Variants in CNTN4 observed in about 807,000 individuals in gnomAD.
CNTN4 encodes the protein contactin-4.
In CNTN4, 77 loss-of-function variants were observed where a neutral mutation model predicts 122.5. The ratio of observed to expected loss-of-function variants is 0.63; its 90% confidence interval spans 0.52 to 0.76. The LOEUF (loss-of-function observed/expected upper bound fraction) is 0.76, where lower values mean the gene tolerates loss of function less well. CNTN4 is among the 30% of genes least tolerant of loss of function. The pLI is 0.00. For synonymous variants in CNTN4, 512 were observed against 447.0 expected (o/e 1.15, Z -1.83); for missense variants, 1,256 against 1,259.1 (o/e 1.00, Z 0.04).
intron 13 of CNTN4, among the ~76,000 whole-genome samples, chr3:2,931,737 T>C (rs577325685): frequency 2.3e-4 from 35 of 152,240 alleles, no homozygotes; most frequent in Middle Eastern, 3.4e-3. Context: ...AAAGCGATCC[T>C]CCCACCTCAG....
chr3:3,008,978 T>C (rs561229660), intron 14 of CNTN4: 2 of 985,290 alleles, frequency 2.0e-6, no homozygotes, highest in East Asian at 1.1e-4. Flanking sequence ...AACTTCGTCA[T>C]TACAGAATCA....
chr3:2,837,757 C>A (rs537630579), intron 7 of CNTN4, among the ~76,000 whole-genome samples: 5 of 152,234 alleles, frequency 3.3e-5, no homozygotes, highest in Non-Finnish European at 7.4e-5. Flanking sequence ...TCACTAAAAA[C>A]CAGCCAGTAA....
chr3:2,816,898 T>A (rs1005644968), intron 6 of CNTN4, among the ~76,000 whole-genome samples: 17 of 147,404 alleles, frequency 1.2e-4, no homozygotes, highest in African/African-American at 3.5e-4. Context: ...AGGAAAAAAA[T>A]TTAATAAATA....
chr3:2,972,784 G>A (rs1345090977), intron 13 of CNTN4, among the ~76,000 whole-genome samples: 1 of 151,956 alleles, frequency 6.6e-6, no homozygotes, highest in African/African-American at 2.4e-5. Context: ...AGTAGGTCAG[G>A]TTCACAATGA....
chr3:2,967,226 G>T (rs756271661), intron 13 of CNTN4, among the ~76,000 whole-genome samples: 18 of 152,236 alleles, frequency 1.2e-4, no homozygotes, highest in Middle Eastern at 6.8e-3. Context: ...CACTGAGTCA[G>T]TTCCTGGGTG....
chr3:2,401,156 A>C (rs1363919417), intron 3 of CNTN4, among the ~76,000 whole-genome samples: 1 of 152,154 alleles, frequency 6.6e-6, no homozygotes, highest in African/African-American at 2.4e-5. Context: ...ATTGCTTCTT[A>C]GTAGACTTTG....
At chr3:2,882,479 C>G (rs1308277269) in intron 8 of CNTN4, among the ~76,000 whole-genome samples, 2 of 152,082 alleles carry the variant, frequency 1.3e-5, no homozygotes, top group African/African-American at 4.8e-5. Flanking sequence ...GAGTCATTTT[C>G]CGGGATATAG....
intron 16 of CNTN4, among the ~76,000 whole-genome samples, chr3:3,033,889 C>G (rs943144511): frequency 6.6e-6 from 1 of 152,144 alleles, no homozygotes; most frequent in African/African-American, 2.4e-5. Flanking sequence ...TGGACAGAAA[C>G]AACGAACATC....
At chr3:2,287,108 G>C (rs889457613) in intron 2 of CNTN4, among the ~76,000 whole-genome samples, 3 of 152,140 alleles carry the variant, frequency 2.0e-5, no homozygotes, top group African/African-American at 7.2e-5. Context: ...GCTTGTTGTA[G>C]AGATGATTTT....
intron 13 of CNTN4, among the ~76,000 whole-genome samples, chr3:2,950,009 G>T (rs1026213402): frequency 6.6e-6 from 1 of 152,200 alleles, no homozygotes; most frequent in African/African-American, 2.4e-5. Flanking sequence ...ACAATTTGAG[G>T]AAGGGGAGCA....
chr3:3,030,289 T>C, intron 15 of CNTN4, among the ~76,000 whole-genome samples: 1 of 152,138 alleles, frequency 6.6e-6, no homozygotes, highest in East Asian at 1.9e-4. Context: ...AAACATGCAT[T>C]TGGCATTTGG....
At chr3:2,432,173 G>A (rs532990883) in intron 3 of CNTN4, among the ~76,000 whole-genome samples, 1 of 152,254 alleles carries the variant, frequency 6.6e-6, no homozygotes, top group Admixed American at 6.5e-5. Context: ...CACATTATTT[G>A]AGTAACTAAA....
intron 14 of CNTN4, among the ~76,000 whole-genome samples, chr3:2,996,924 G>T (rs548718091): frequency 1.3e-5 from 2 of 152,142 alleles, no homozygotes; most frequent in South Asian, 4.1e-4. Context: ...CATTATTACA[G>T]TTATATATTT....
intron 5 of CNTN4, among the ~76,000 whole-genome samples, chr3:2,738,806 A>G (rs527585874): frequency 1.1e-4 from 16 of 152,258 alleles, no homozygotes; most frequent in Middle Eastern, 3.4e-3. Context: ...CAATACTTTT[A>G]AAAGCAGATG....
chr3:2,480,014 A>G (rs758332884), intron 3 of CNTN4, among the ~76,000 whole-genome samples: 1 of 152,198 alleles, frequency 6.6e-6, no homozygotes, highest in Non-Finnish European at 1.5e-5. Context: ...CTAAAGAAGA[A>G]AAATTAGACA....
intron 13 of CNTN4, among the ~76,000 whole-genome samples, chr3:2,954,938 C>A (rs1260418988): frequency 6.6e-6 from 1 of 152,100 alleles, no homozygotes; most frequent in East Asian, 1.9e-4. Context: ...TAACCGTAGT[C>A]TCATTCCCTA....
At chr3:2,354,329 A>G (rs911277305) in intron 3 of CNTN4, among the ~76,000 whole-genome samples, 2 of 152,168 alleles carry the variant, frequency 1.3e-5, no homozygotes, top group African/African-American at 4.8e-5. Flanking sequence ...TCAGGAGTTC[A>G]ATACCAGGCT....
Position 2,530,254 on chromosome 3 carries a change from C to T in CNTN4, c.-88-41162C>T, listed in dbSNP as rs1428411084. 2.0e-5 allele frequency among the ~76,000 whole-genome samples: 3 copies of T among 151,560 alleles called. No individual in the cohort carries two copies. The East Asian group carries it at 5.8e-4, about 30-fold the overall frequency. On this transcript the variant is annotated intron_variant, in intron 3 of 24. Transcript: ENST00000418658. Reference sequence around the variant, plus strand: ...CTGCTTGACAAATATAATACATTGTCAGTGTACCTGTTTATTTCACTAATA... The same window carrying T: ...CTGCTTGACAAATATAATACATTGTTAGTGTACCTGTTTATTTCACTAATA...
intron 6 of CNTN4, among the ~76,000 whole-genome samples, chr3:2,817,807 G>A (rs1309808498): frequency 6.6e-6 from 1 of 152,140 alleles, no homozygotes; most frequent in Non-Finnish European, 1.5e-5. Flanking sequence ...GACTGATTCA[G>A]TGTTATTTTT....
Sources: gnomAD v4.1 joint callset for allele counts (sites outside exome capture counted in the v4.1 genomes callset) on GRCh38, gnomAD v4.1.1 for gene constraint, MANE v1.5 for transcripts, NCBI Gene and HGNC (gene_info 2026-07-23, HGNC 2026-07-21) for gene names.